Variants in TDRD7 observed in about 807,000 individuals in gnomAD.
TDRD7 encodes tudor domain containing 7.
A neutral mutation model predicts 109.8 loss-of-function variants in TDRD7; 47 were observed. The observed-to-expected ratio is 0.43, with a 90% CI of 0.34 to 0.55. The LOEUF (loss-of-function observed/expected upper bound fraction) is 0.55, where lower values mean the gene tolerates loss of function less well. Among genes scored for constraint, TDRD7 ranks in the 20% least tolerant of loss-of-function variants. The probability of loss-of-function intolerance (pLI) is 0.03; values close to 1 mark genes in which losing one functional copy is unlikely to be tolerated. For missense variants in TDRD7, 1,164 were observed against 1,319.2 expected (o/e 0.88, Z 1.82); for synonymous variants, 424 against 457.3 (o/e 0.93, Z 0.93).
intron 1 of TDRD7, among the ~76,000 whole-genome samples, chr9:97,425,227 T>C (rs925226998): frequency 1.3e-5 from 2 of 152,182 alleles, no homozygotes; most frequent in African/African-American, 4.8e-5. Context: ...AATGAGTTAA[T>C]TTTATTTTGG....
chr9:97,436,018 G>A (rs994186820), intron 4 of TDRD7, among the ~76,000 whole-genome samples: 2 of 152,174 alleles, frequency 1.3e-5, no homozygotes, highest in Middle Eastern at 3.4e-3. Context: ...GTAGATTCAT[G>A]AACCCCCAAA....
intron 4 of TDRD7, among the ~76,000 whole-genome samples, chr9:97,438,647 A>G (rs565445342): frequency 6.6e-6 from 1 of 152,314 alleles, no homozygotes; most frequent in East Asian, 1.9e-4. Flanking sequence ...TATCCAGTAT[A>G]ATTTATATAA....
rs1323659539 is a variant in TDRD7 at position 97,420,811 on chromosome 9, T to C, written c.-6-7649T>C. 3.3e-5 allele frequency among the ~76,000 whole-genome samples: 5 copies of C among 152,304 alleles called. No individual in the cohort carries two copies. In the East Asian group the frequency reaches 7.7e-4, roughly 24 times the overall value. On this transcript the variant is annotated intron_variant, in intron 1 of 16. Coordinates refer to ENST00000355295, the MANE Select transcript of TDRD7 (RefSeq NM_014290.3). ...ATAATGTAGGAGAGGACTGCTGGGT[T>C]ATATAAGTGTATACTTTACTTTGTA...
At chr9:97,420,794 G>A (rs1221133744) in intron 1 of TDRD7, among the ~76,000 whole-genome samples, 1 of 152,144 alleles carries the variant, frequency 6.6e-6, no homozygotes, top group Non-Finnish European at 1.5e-5. Context: ...CAATAATGTA[G>A]GAGAGGACTG....
At chr9:97,460,055 G>A in intron 6 of TDRD7, 123 bp from the exon 7 acceptor site, 2 of 837,276 alleles carry the variant, frequency 2.4e-6, no homozygotes, top group Non-Finnish European at 2.0e-6. Context: ...ATTGAAAAGA[G>A]TAAATCGTAC....
chr9:97,429,582 T>C (rs1262004153), intron 2 of TDRD7, among the ~76,000 whole-genome samples: 3 of 152,180 alleles, frequency 2.0e-5, no homozygotes, highest in Non-Finnish European at 4.4e-5. Context: ...GAAGTTCACC[T>C]TGTAGTTAAT....
chr9:97,424,826 A>T (rs539289537), intron 1 of TDRD7, among the ~76,000 whole-genome samples: 2 of 151,700 alleles, frequency 1.3e-5, no homozygotes, highest in African/African-American at 4.8e-5. Flanking sequence ...ATTTTGCTGG[A>T]TGTTTTCTAT....
chr9:97,494,958 G>A (rs376115332), intron 16 of TDRD7, among the ~76,000 whole-genome samples: 30 of 152,140 alleles, frequency 2.0e-4, no homozygotes, highest in African/African-American at 6.3e-4. Context: ...ATACCTGCCC[G>A]CCTTGGCCTC....
chr9:97,440,716 C>A (rs140754983), intron 5 of TDRD7, among the ~76,000 whole-genome samples: 1 of 152,150 alleles, frequency 6.6e-6, no homozygotes, highest in African/African-American at 2.4e-5. Context: ...TCTCTACCTG[C>A]AAATTAAAAA....
At chr9:97,484,607 AAAC>A (rs1337936407) in intron 15 of TDRD7, among the ~76,000 whole-genome samples, 6 of 152,220 alleles carry the variant, frequency 3.9e-5, no homozygotes, top group Non-Finnish European at 8.8e-5. Flanking sequence ...TGGGAGAAAA[AAAC>A]TAATTTTTAA....
rs1465030950 is a variant in TDRD7, at chr9:97,496,023, A to G, written c.*140A>G. 3 of 706,488 alleles carry G rather than the reference A, an allele frequency of 4.2e-6. No homozygotes were observed. In the African/African-American group the frequency reaches 5.4e-5, roughly 13 times the overall value. 43.8% of individuals were successfully genotyped at this position (706,488 alleles called of 1,614,324 possible). ...AAAAGAATATGCTTATGTTTGATGA[A>G]AGATATTTAACAAGTTTTGTTTTAA... On this transcript the variant is annotated 3_prime_UTR_variant, in exon 17 of 17. Transcript: ENST00000355295.
chr9:97,413,467 A>T (rs1304072730), intron 1 of TDRD7, among the ~76,000 whole-genome samples: 1 of 152,218 alleles, frequency 6.6e-6, no homozygotes, highest in Non-Finnish European at 1.5e-5. Context: ...GCCTCATAAT[A>T]ATTGCCAAGC....
chr9:97,492,584 G>A (rs1829325644), intron 16 of TDRD7, among the ~76,000 whole-genome samples: 1 of 152,154 alleles, frequency 6.6e-6, no homozygotes, highest in Non-Finnish European at 1.5e-5. Context: ...TGGATCAGAT[G>A]AAAAAGTGAA....
intron 2 of TDRD7, among the ~76,000 whole-genome samples, chr9:97,430,308 G>A (rs1828079082): frequency 6.6e-6 from 1 of 152,142 alleles, no homozygotes; most frequent in African/African-American, 2.4e-5. Flanking sequence ...CCTGCCAGTA[G>A]CAGCCCCTTG....
chr9:97,478,339 CT>C, intron 12 of TDRD7, 99 bp from the exon 13 acceptor site: 1 of 1,346,104 alleles, frequency 7.4e-7, no homozygotes. Context: ...TAGTCTGTTC[CT>C]TTTAATATGC....
At chr9:97,430,255 G>A (rs1828077576) in intron 2 of TDRD7, among the ~76,000 whole-genome samples, 1 of 152,140 alleles carries the variant, frequency 6.6e-6, no homozygotes, top group Non-Finnish European at 1.5e-5. Flanking sequence ...TGAGAGATGT[G>A]GAAGCTCCGG....
chr9:97,422,777 A>G (rs1413248917), intron 1 of TDRD7, among the ~76,000 whole-genome samples: 3 of 151,946 alleles, frequency 2.0e-5, no homozygotes, highest in African/African-American at 4.8e-5. Context: ...TTTTTCACCT[A>G]TTGATATGAT....
intron 15 of TDRD7, 63 bp downstream of exon 15, chr9:97,483,414 G>A: frequency 6.3e-7 from 1 of 1,585,590 alleles, no homozygotes; most frequent in Non-Finnish European, 8.6e-7. Context: ...TGATGCCAGA[G>A]TCTTAATCTT....
intron 1 of TDRD7, among the ~76,000 whole-genome samples, chr9:97,417,953 C>T (rs1288364279): frequency 1.3e-5 from 2 of 152,068 alleles, no homozygotes; most frequent in Admixed American, 6.6e-5. Flanking sequence ...GGTGAAACCC[C>T]GTCCCTACTA....
Sources: allele counts gnomAD v4.1 joint callset (sites outside exome capture counted in the v4.1 genomes callset), GRCh38; gene constraint gnomAD v4.1.1; transcripts MANE v1.5; gene names NCBI Gene and HGNC (gene_info 2026-07-23, HGNC 2026-07-21).